The following TRIT1 variants were observed in gnomAD, a reference collection of about 807,000 sequenced individuals.
TRIT1 encodes the protein tRNA isopentenyltransferase 1.
TRIT1 carries 43 observed loss-of-function variants against 51.2 expected under a neutral mutation model. The ratio of observed to expected loss-of-function variants is 0.84; its 90% CI spans 0.66 to 1.08. The LOEUF is 1.08. TRIT1 is among the 50% of genes least tolerant of loss of function. TRIT1 has a pLI of 0.00. For synonymous variants in TRIT1, 184 were observed against 203.9 expected (o/e 0.90, Z 0.83); for missense variants, 528 against 578.4 (o/e 0.91, Z 0.89).
intron 1 of TRIT1, among the ~76,000 whole-genome samples, chr1:39,880,226 C>T (rs1390551971): frequency 1.4e-5 from 2 of 138,162 alleles, no homozygotes; most frequent in East Asian, 2.1e-4. Context: ...GCTATGATCA[C>T]ACCACTGCAT....
intron 9 of TRIT1, 49 bp downstream of exon 9, chr1:39,844,482 A>G: frequency 1.4e-6 from 2 of 1,449,710 alleles, no homozygotes; most frequent in African/African-American, 2.8e-5. Context: ...TCAGCTAATG[A>G]AAGTGCTCTG....
intron 4 of TRIT1, among the ~76,000 whole-genome samples, 162 bp from the exon 5 acceptor site, chr1:39,850,423 G>A (rs1002083268): frequency 6.6e-6 from 1 of 152,176 alleles, no homozygotes; most frequent in African/African-American, 2.4e-5. Context: ...CTACTCAGGA[G>A]GCCAAACTGG....
At chr1:39,881,916 T>C (rs1410578558) in intron 1 of TRIT1, among the ~76,000 whole-genome samples, 1 of 152,264 alleles carries the variant, frequency 6.6e-6, no homozygotes, top group African/African-American at 2.4e-5. Flanking sequence ...CCTTGTTTTA[T>C]GTTCAGCTGG....
chr1:39,883,283 G>A (rs1444441699), intron 1 of TRIT1, 35 bp downstream of exon 1: 13 of 1,579,322 alleles, frequency 8.2e-6, no homozygotes, highest in African/African-American at 2.7e-5. Flanking sequence ...GGCCTCCGGG[G>A]TCCCCAGGCG....
At chr1:39,865,437 AT>A (rs1288391162) in intron 1 of TRIT1, among the ~76,000 whole-genome samples, 1 of 152,236 alleles carries the variant, frequency 6.6e-6, no homozygotes, top group Non-Finnish European at 1.5e-5. Context: ...CCCAAAATCC[AT>A]ATCCACAATC....
intron 5 of TRIT1, among the ~76,000 whole-genome samples, chr1:39,849,678 C>T (rs1642446685): frequency 6.6e-6 from 1 of 152,220 alleles, no homozygotes; most frequent in South Asian, 2.1e-4. Context: ...TGAATGTTTG[C>T]TGGATGAATA....
chr1:39,854,151 T>C (rs951265217), intron 2 of TRIT1, 83 bp from the exon 3 acceptor site: 1 of 1,012,338 alleles, frequency 9.9e-7, no homozygotes, highest in African/African-American at 1.6e-5. Context: ...ACCACATTCA[T>C]TTATCTGCAG....
rs79204084 is a variant in TRIT1 at position 39,863,095 on chromosome 1, T to C, written c.175-5678A>G. Among the ~76,000 whole-genome samples the C allele has an allele frequency of 3.4e-3, 511 of 152,388 alleles. 4 individuals are homozygous for C. The highest frequency in any genetic ancestry group is 0.012 in the African/African-American group (500 of 41,590). ...TCATCAATTATCTAACATAATTGAC[T>C]TATCTCTACAAACATTTACTAAGCG... On this transcript the variant is annotated intron_variant, in intron 1 of 10. Transcript: ENST00000316891.
rs1365842980 is a variant in TRIT1 at position 39,844,542 on chromosome 1, T to G, written c.1105A>C (p.Ser369Arg). 5.0e-6 allele frequency: 8 copies of G among 1,613,422 alleles called. No individual in the cohort carries two copies. The highest frequency in any genetic ancestry group is 6.8e-6 in the Non-Finnish European group (8 of 1,179,452). Residue 369 changes from serine to arginine, a missense_variant, in exon 9 of 11, where the codon AGT (serine) becomes CGT (arginine). This residue lies in a region of TRIT1 where 468 missense variants were observed against 522.6 expected (regional missense o/e 0.90). Transcript: ENST00000316891. The part of the protein sequence containing the change: ...VLEPALEIVQ[S>R]FIQGHKPTAT... ...TGATTCATAATTACCTGGATGAAACTTTGCACGATTTCAAGAGCAGGTTCA... is the reference window on the plus strand; with the variant it reads ...TGATTCATAATTACCTGGATGAAACGTTGCACGATTTCAAGAGCAGGTTCA...
intron 1 of TRIT1, among the ~76,000 whole-genome samples, chr1:39,872,569 A>C (rs574731613): frequency 2.6e-5 from 4 of 152,202 alleles, no homozygotes; most frequent in Non-Finnish European, 5.9e-5. Context: ...GACTAGAATG[A>C]ATCTTGTGGT....
chr1:39,848,016 C>A lies in TRIT1; in HGVS notation c.785G>T (p.Arg262Leu). Residue 262 changes from arginine (R) to leucine (L), a missense_variant, in exon 6 of 11, where the codon CGC (arginine) becomes CTC (leucine). Arg to Leu is a moderately radical substitution (Grantham distance 102). Transcript: ENST00000316891. ...LLEELRDFHR[R>L]YNQKNVSENS... ...TTCCGAAACATTCTTCTGATTATAG[C>A]GTCTGTGAAAATCTCTTAGTTCCTC... 6.2e-7 allele frequency: 1 copy of A among 1,614,040 alleles called. No homozygotes were observed. The highest frequency in any genetic ancestry group is 8.5e-7 in the Non-Finnish European group (1 of 1,179,968).
chr1:39,847,456 G>A lies in TRIT1; in HGVS notation c.928+92C>T, dbSNP rs1014500981. On this transcript the variant is annotated intron_variant, in intron 7 of 10. Transcript: ENST00000316891. ...TTCTGAGCTGAAGGCTATTTGGGAC[G>A]CTTTAAGCCTTGGCTCTTTCTCAGA... is the stretch of plus-strand genomic sequence containing the variant. The A allele has an allele frequency of 2.4e-5, 35 of 1,476,288 alleles. No homozygotes were observed. In the East Asian group the frequency reaches 5.9e-4, roughly 25 times the overall value. 91.4% of individuals were successfully genotyped at this position (1,476,288 alleles called of 1,614,324 possible). A position where few individuals can be genotyped will look rare whatever the true frequency, so the allele number is the denominator to read the frequency against.
Position 39,844,511 on chromosome 1 carries a change from G to T in TRIT1, c.1116+20C>A. ...TGCTCTGAAAACCAGAAAATAGAAT[G>T]TATCATGATTCATAATTACCTGGAT... On this transcript the variant is annotated intron_variant, in intron 9 of 10. Coordinates refer to ENST00000316891, the MANE Select transcript of TRIT1 (RefSeq NM_017646.6). 1 of 1,578,916 alleles carries T rather than the reference G, an allele frequency of 6.3e-7. No individual in the cohort carries two copies. Among genetic ancestry groups the T allele is most frequent in the Non-Finnish European group, 8.7e-7 (1 of 1,147,906 alleles).
intron 4 of TRIT1, among the ~76,000 whole-genome samples, chr1:39,852,248 G>C (rs1490735732): frequency 1.3e-5 from 2 of 152,128 alleles, no homozygotes; most frequent in Admixed American, 1.3e-4. Context: ...ACATGACCTT[G>C]TGAGTTCATT....
At chr1:39,879,398 G>C (rs770276361) in intron 1 of TRIT1, among the ~76,000 whole-genome samples, 1 of 152,070 alleles carries the variant, frequency 6.6e-6, no homozygotes, top group Non-Finnish European at 1.5e-5. Context: ...CAGACTCCAG[G>C]TCTGCTACTT....
chr1:39,852,852 C>T lies in TRIT1; in HGVS notation c.439G>A (p.Val147Met). The change falls in exon 4 of 11, where the codon GTG becomes ATG. Residue 147 changes from valine (V) to methionine (M), a missense_variant. Coordinates refer to ENST00000316891, the MANE Select transcript of TRIT1 (RefSeq NM_017646.6). ...TCAAGCTCCACTTTTCGGTCAATCA[C>T]TTTCTCAGTGCCCATCTCCTGGGGC... ...TKPQEMGTEK[V>M]IDRKVELEKE... is the part of the protein sequence containing the mutation. 3 of 1,614,230 alleles carry T rather than the reference C, an allele frequency of 1.9e-6. No homozygotes were observed. The highest frequency in any genetic ancestry group is 2.5e-6 in the Non-Finnish European group (3 of 1,180,038).
At chr1:39,847,021 A>C in intron 8 of TRIT1, 199 bp downstream of exon 8, 1 of 555,990 alleles carries the variant, frequency 1.8e-6, no homozygotes, top group South Asian at 2.5e-5. Flanking sequence ...AGACTCCTCA[A>C]TGCAAATAAT....
intron 5 of TRIT1, among the ~76,000 whole-genome samples, chr1:39,849,704 G>A (rs775577016): frequency 6.6e-5 from 10 of 152,134 alleles, no homozygotes; most frequent in Non-Finnish European, 1.3e-4. Flanking sequence ...CTACTATCAC[G>A]GACATAATTA....
At chr1:39,877,310 G>A (rs1219958897) in intron 1 of TRIT1, among the ~76,000 whole-genome samples, 6 of 146,980 alleles carry the variant, frequency 4.1e-5, no homozygotes. Context: ...ATCAGCCTGG[G>A]CAACATGGTG....
Sources: gnomAD v4.1 joint callset for allele counts (sites outside exome capture counted in the v4.1 genomes callset) on GRCh38, gnomAD v4.1.1 for gene constraint, gnomAD v4.1.1 regional missense constraint, MANE v1.5 for transcripts, NCBI Gene and HGNC (gene_info 2026-07-23, HGNC 2026-07-21) for gene names.